TNNI3K: variants seen among roughly 807,000 people sequenced by gnomAD.
TNNI3K encodes serine/threonine-protein kinase TNNI3K.
A neutral mutation model predicts 114.5 loss-of-function variants in TNNI3K; 140 were observed. The observed-to-expected ratio is 1.22, with a 90% CI of 1.07 to 1.41. The LOEUF (loss-of-function observed/expected upper bound fraction) is 1.41, where lower values mean the gene tolerates loss of function less well. TNNI3K is among the 40% of genes most tolerant of loss of function. The pLI is 0.00. For synonymous variants in TNNI3K, 347 were observed against 347.5 expected (o/e 1.00, Z 0.02); for missense variants, 1,125 against 1,007.6 (o/e 1.12, Z -1.58).
chr1:74,331,316 T>A (rs1304919647), intron 5 of TNNI3K, 134 bp from the exon 6 acceptor site: 2 of 795,166 alleles, frequency 2.5e-6, no homozygotes, highest in Non-Finnish European at 3.8e-6. Flanking sequence ...AGGTCTTGGA[T>A]AAGGTGGATG....
chr1:74,302,747 A>G (rs886822299), intron 5 of TNNI3K, among the ~76,000 whole-genome samples: 1 of 152,242 alleles, frequency 6.6e-6, no homozygotes. Flanking sequence ...AAAAGTTTGA[A>G]GTTAGCTGAG....
intron 3 of TNNI3K, among the ~76,000 whole-genome samples, chr1:74,250,091 A>G (rs528134111): frequency 2.8e-4 from 42 of 152,372 alleles, no homozygotes; most frequent in African/African-American, 9.6e-4. Flanking sequence ...TGAATGAACC[A>G]TTAATATTTA....
intron 23 of TNNI3K, among the ~76,000 whole-genome samples, chr1:74,507,728 G>T (rs190321431): frequency 3.4e-4 from 52 of 152,324 alleles, no homozygotes; most frequent in African/African-American, 1.2e-3. Flanking sequence ...TTTTAGCCAT[G>T]TTGGTATTCC....
intron 23 of TNNI3K, among the ~76,000 whole-genome samples, chr1:74,504,029 A>G (rs1438411064): frequency 2.0e-5 from 3 of 152,208 alleles, no homozygotes; most frequent in Admixed American, 1.3e-4. Context: ...GCCATTTACT[A>G]TATTTACATA....
intron 23 of TNNI3K, among the ~76,000 whole-genome samples, chr1:74,523,183 C>T (rs966409061): frequency 2.0e-5 from 3 of 152,098 alleles, no homozygotes; most frequent in Admixed American, 6.6e-5. Context: ...ATAATAATAC[C>T]GATACCACAC....
chr1:74,346,041 T>C (rs1428297848), intron 9 of TNNI3K: 1 of 152,228 alleles, frequency 6.6e-6, no homozygotes, highest in Non-Finnish European at 1.5e-5. Context: ...AAAGGTCCTC[T>C]ACAATTTGTA....
intron 21 of TNNI3K, chr1:74,475,695 C>G (rs1668170661): frequency 1.4e-6 from 1 of 709,414 alleles, no homozygotes; most frequent in Non-Finnish European, 2.6e-6. Context: ...CATGAGCACA[C>G]AGGGGTTCAT....
chr1:74,256,555 TCA>T (rs1435828344), intron 4 of TNNI3K, among the ~76,000 whole-genome samples: 10 of 152,042 alleles, frequency 6.6e-5, no homozygotes, highest in Non-Finnish European at 1.5e-4. Context: ...AAAATTTCTC[TCA>T]GTGTCTGACT....
chr1:74,311,039 T>C (rs1011586998), intron 5 of TNNI3K, among the ~76,000 whole-genome samples: 8 of 152,286 alleles, frequency 5.3e-5, no homozygotes, highest in Non-Finnish European at 8.8e-5. Flanking sequence ...ATTATTTCTC[T>C]TAAAGATATA....
chr1:74,495,498 T>C (rs1669285279), intron 23 of TNNI3K, among the ~76,000 whole-genome samples: 1 of 152,230 alleles, frequency 6.6e-6, no homozygotes, highest in Non-Finnish European at 1.5e-5. Flanking sequence ...ACTTGGTGTG[T>C]AATCAGTGAA....
rs12022350 is a variant in TNNI3K at position 74,292,234 on chromosome 1, T to A, written c.444+20526T>A. On this transcript the variant is annotated intron_variant, in intron 5 of 24. Coordinates refer to ENST00000326637, the MANE Select transcript of TNNI3K (RefSeq NM_015978.3). ...TAGTATTATATGTTTGTCTTTTTTT[T>A]AATCAATTTCTGCTTTTATCTTTCT... Among the ~76,000 whole-genome samples the A allele has an allele frequency of 4.5e-3, 675 of 151,640 alleles. 9 individuals are homozygous for A. In the East Asian group the frequency reaches 0.046, roughly 10 times the overall value.
intron 23 of TNNI3K, among the ~76,000 whole-genome samples, chr1:74,510,911 A>T (rs1328808519): frequency 1.3e-5 from 2 of 152,164 alleles, no homozygotes; most frequent in South Asian, 2.1e-4. Context: ...TTTTGAGACG[A>T]AGTCTCACTC....
intron 20 of TNNI3K, among the ~76,000 whole-genome samples, chr1:74,441,726 C>A (rs1401117323): frequency 6.6e-6 from 1 of 152,014 alleles, no homozygotes; most frequent in Non-Finnish European, 1.5e-5. Context: ...GTGATATTTA[C>A]ATTTCACTGA....
chr1:74,457,100 G>A (rs17095358), intron 20 of TNNI3K, among the ~76,000 whole-genome samples: 4,252 of 152,050 alleles, frequency 0.028, 181 homozygotes, highest in African/African-American at 0.097. Flanking sequence ...TTTGACAAGC[G>A]GCAGGAAAAT....
At chr1:74,492,468 G>A (rs1417294080) in intron 23 of TNNI3K, among the ~76,000 whole-genome samples, 1 of 152,166 alleles carries the variant, frequency 6.6e-6, no homozygotes, top group Non-Finnish European at 1.5e-5. Flanking sequence ...CTAGTTGCAA[G>A]TAACAGGCAT....
intron 17 of TNNI3K, among the ~76,000 whole-genome samples, chr1:74,397,049 T>G (rs1664119835): frequency 6.6e-6 from 1 of 152,132 alleles, no homozygotes; most frequent in Admixed American, 6.5e-5. Flanking sequence ...AAGCCAGCCA[T>G]GCAGCTGTGT....
At chr1:74,364,143 G>A (rs72966905) in intron 11 of TNNI3K, among the ~76,000 whole-genome samples, 2,405 of 150,846 alleles carry the variant, frequency 0.016, 75 homozygotes, top group African/African-American at 0.056. Context: ...GGGACTACAG[G>A]CAGATGCTAC....
intron 20 of TNNI3K, among the ~76,000 whole-genome samples, chr1:74,449,559 G>A (rs1406259288): frequency 6.6e-6 from 1 of 151,862 alleles, no homozygotes; most frequent in Non-Finnish European, 1.5e-5. Context: ...GATGGAGGAA[G>A]ATCTACCAAG....
chr1:74,304,466 A>C (rs2100331775), intron 5 of TNNI3K, among the ~76,000 whole-genome samples: 1 of 152,244 alleles, frequency 6.6e-6, no homozygotes, highest in East Asian at 1.9e-4. Flanking sequence ...CTTTAGACAC[A>C]GGGTCTTGCA....
Sources: allele counts gnomAD v4.1 joint callset (sites outside exome capture counted in the v4.1 genomes callset), GRCh38; gene constraint gnomAD v4.1.1; transcripts MANE v1.5; gene names NCBI Gene and HGNC (gene_info 2026-07-23, HGNC 2026-07-21).